Variants in DOCK2 observed in about 807,000 individuals in gnomAD.
DOCK2 encodes dedicator of cytokinesis protein 2.
DOCK2 carries 87 observed loss-of-function variants against 248.9 expected under a neutral mutation model. The observed-to-expected ratio is 0.35, with a 90% CI of 0.29 to 0.42. The LOEUF is 0.42. Among genes scored for constraint, DOCK2 ranks in the 10% least tolerant of loss-of-function variants. The pLI, the probability that DOCK2 is intolerant of heterozygous loss-of-function variation, is 1.00. For missense variants in DOCK2, 1,747 were observed against 2,300.2 expected (o/e 0.76, Z 4.92); for synonymous variants, 805 against 821.6 (o/e 0.98, Z 0.35).
At chr5:169,778,707 G>T (rs1209899226) in intron 25 of DOCK2, among the ~76,000 whole-genome samples, 1 of 152,210 alleles carries the variant, frequency 6.6e-6, no homozygotes, top group Non-Finnish European at 1.5e-5. Context: ...TGTTTGAGCT[G>T]AAAGGAATGT....
chr5:169,817,588 T>G (rs932375587), intron 26 of DOCK2, among the ~76,000 whole-genome samples: 62 of 152,256 alleles, frequency 4.1e-4, no homozygotes, highest in African/African-American at 1.5e-3. Flanking sequence ...TTTCTTTGAA[T>G]AGTTAAATCA....
At chr5:169,882,794 C>G (rs1419825128) in intron 27 of DOCK2, 1 of 1,551,672 alleles carries the variant, frequency 6.4e-7, no homozygotes, top group Non-Finnish European at 8.7e-7. Context: ...TTTGGAAACT[C>G]CAGTGTGTCT....
rs137932247 is a variant in DOCK2, at chr5:169,656,451, G to T, written c.127+1965G>T. 6.5e-3 allele frequency among the ~76,000 whole-genome samples: 989 copies of T among 151,862 alleles called. 12 individuals carry two copies. The highest frequency in any genetic ancestry group is 0.011 in the Non-Finnish European group (765 of 67,992). ...TGATTCTTGCGCCTCAGCCTCATTC[G>T]TAGCTGGGATTACCAGCATGTGCCA... On this transcript the variant is annotated intron_variant, in intron 2 of 51. Coordinates refer to ENST00000520908, the MANE Select transcript of DOCK2 (RefSeq NM_004946.3).
At chr5:169,750,921 CTT>C (rs1315155126) in intron 23 of DOCK2, among the ~76,000 whole-genome samples, 4 of 152,226 alleles carry the variant, frequency 2.6e-5, no homozygotes, top group African/African-American at 9.6e-5. Flanking sequence ...CTTCTATAGA[CTT>C]TGAGATTTGC....
chr5:170,083,049 G>A lies in DOCK2; in HGVS notation c.*191G>A. The A allele has an allele frequency of 3.1e-6, 2 of 635,910 alleles. No homozygotes were observed. Among genetic ancestry groups the A allele is most frequent in the South Asian group, 2.0e-5 (1 of 49,864 alleles). The allele number at this position is 635,910 out of a possible 1,614,324, so 39.4% of individuals were successfully genotyped here. ...AACAAGCCCAGCATCCCCTGGGGCT[G>A]TGATCATGGTGGATGAGGAAGCCTC... On this transcript the variant is annotated 3_prime_UTR_variant, in exon 52 of 52. Coordinates refer to ENST00000520908, the MANE Select transcript of DOCK2 (RefSeq NM_004946.3).
At chr5:169,953,628 G>T (rs759406436) in intron 27 of DOCK2, among the ~76,000 whole-genome samples, 1 of 152,186 alleles carries the variant, frequency 6.6e-6, no homozygotes, top group South Asian at 2.1e-4. Context: ...ACCTCTGTGG[G>T]CAGAAGAGTT....
At chr5:169,670,306 G>A (rs1344511007) in intron 3 of DOCK2, among the ~76,000 whole-genome samples, 1 of 152,164 alleles carries the variant, frequency 6.6e-6, no homozygotes, top group African/African-American at 2.4e-5. Flanking sequence ...GTGAGATCTA[G>A]GGCTATTGTG....
chr5:169,654,421 G>A lies in DOCK2; in HGVS notation c.62G>A (p.Gly21Asp), dbSNP rs775126575. The A allele has an allele frequency of 1.2e-6, 2 of 1,614,162 alleles. No homozygotes were observed. The highest frequency in any genetic ancestry group is 1.1e-5 in the South Asian group (1 of 91,080). Residue 21 changes from glycine to aspartate, a missense_variant, in exon 2 of 52, where the codon GGC becomes GAC. Around this residue, in one of 4 missense-constraint regions of DOCK2, gnomAD observed 375 missense variants for 510.9 expected, o/e 0.73. Coordinates refer to ENST00000520908, the MANE Select transcript of DOCK2 (RefSeq NM_004946.3). ...RHGVAIYNFQ[G>D]SGAPQLSLQI... The stretch of plus-strand genomic sequence containing the variant: ...TTCACAGCCATATACAACTTCCAAG[G>A]CAGCGGAGCCCCCCAGCTCTCCCTG...
chr5:169,656,974 A>G (rs900064011), intron 2 of DOCK2, among the ~76,000 whole-genome samples: 1 of 152,192 alleles, frequency 6.6e-6, no homozygotes. Context: ...ATCTTTGTAA[A>G]TTAGTCACAA....
rs191484463 is a variant in DOCK2, at chr5:169,897,707, G to A, written c.2799+56855G>A. On this transcript the variant is annotated intron_variant, in intron 27 of 51. Coordinates refer to ENST00000520908, the MANE Select transcript of DOCK2 (RefSeq NM_004946.3). Reference sequence around the variant, plus strand: ...AAGTAATGCAACTCTGCCTTGTGACGGGGTGAGCTCCCTGTCCATGCAAGC... The same window carrying A: ...AAGTAATGCAACTCTGCCTTGTGACAGGGTGAGCTCCCTGTCCATGCAAGC... Among the ~76,000 whole-genome samples the A allele has an allele frequency of 8.1e-4, 123 of 152,260 alleles. 2 individuals carry two copies. The highest frequency in any genetic ancestry group is 1.3e-4 in the Non-Finnish European group (9 of 68,004).
At chr5:169,733,100 A>G (rs1762864645) in intron 22 of DOCK2, among the ~76,000 whole-genome samples, 1 of 152,082 alleles carries the variant, frequency 6.6e-6, no homozygotes, top group Non-Finnish European at 1.5e-5. Flanking sequence ...CTACCATTTT[A>G]GCTGTGCATC....
intron 30 of DOCK2, among the ~76,000 whole-genome samples, chr5:169,999,778 C>T (rs537530287): frequency 9.2e-5 from 14 of 152,276 alleles, no homozygotes; most frequent in South Asian, 6.2e-4. Flanking sequence ...CTCCTTCTTA[C>T]GGGCTCATTA....
intron 36 of DOCK2, among the ~76,000 whole-genome samples, chr5:170,037,683 A>G (rs1756369443): frequency 6.6e-6 from 1 of 151,956 alleles, no homozygotes; most frequent in Non-Finnish European, 1.5e-5. Context: ...ACGGGGTTTC[A>G]CCATGTTGGC....
chr5:169,714,645 G>A (rs1761804629), intron 19 of DOCK2, among the ~76,000 whole-genome samples, 188 bp downstream of exon 19: 1 of 152,170 alleles, frequency 6.6e-6, no homozygotes, highest in African/African-American at 2.4e-5. Context: ...TGGTTCAATG[G>A]CACTGAATGT....
At chr5:169,931,382 C>T (rs947799821) in intron 27 of DOCK2, among the ~76,000 whole-genome samples, 2 of 152,166 alleles carry the variant, frequency 1.3e-5, no homozygotes, top group African/African-American at 2.4e-5. Context: ...TTGATATTGC[C>T]GCCTCTCGGC....
chr5:170,025,790 C>CCCTCCCTTCCTT (rs1554126871), intron 33 of DOCK2, among the ~76,000 whole-genome samples: 5 of 67,616 alleles, frequency 7.4e-5, no homozygotes, highest in East Asian at 4.9e-4. Flanking sequence ...CTCCTTCCCT[C>CCCTCCCTTCCTT]CCTTCCTTCC....
chr5:170,065,656 A>G (rs919351150), intron 44 of DOCK2, among the ~76,000 whole-genome samples: 6 of 152,242 alleles, frequency 3.9e-5, no homozygotes, highest in Non-Finnish European at 8.8e-5. Flanking sequence ...CGTGGATGGC[A>G]GCAGGCAAAG....
intron 26 of DOCK2, among the ~76,000 whole-genome samples, chr5:169,812,178 C>T (rs990398774): frequency 1.1e-4 from 16 of 152,218 alleles, no homozygotes; most frequent in South Asian, 2.1e-4. Context: ...ACAGTCACTC[C>T]GCATGGCTTG....
At chr5:169,658,059 G>A (rs756113860) in intron 2 of DOCK2, among the ~76,000 whole-genome samples, 13 of 151,928 alleles carry the variant, frequency 8.6e-5, no homozygotes, top group African/African-American at 1.9e-4. Flanking sequence ...AAATAACCAC[G>A]TCTATCTTTG....
Sources: allele counts gnomAD v4.1 joint callset (sites outside exome capture counted in the v4.1 genomes callset), GRCh38; gene constraint gnomAD v4.1.1; regional missense constraint gnomAD v4.1.1; transcripts MANE v1.5; gene names NCBI Gene and HGNC (gene_info 2026-07-23, HGNC 2026-07-21).